Variants in OSBPL10 observed in about 807,000 individuals in gnomAD.
OSBPL10 encodes oxysterol-binding protein-related protein 10.
OSBPL10 carries 49 observed loss-of-function variants against 81.7 expected under a neutral mutation model. That is an observed-to-expected ratio of 0.60 (90% CI 0.48 to 0.76). The LOEUF (loss-of-function observed/expected upper bound fraction) is 0.76, where lower values mean the gene tolerates loss of function less well. Among genes scored for constraint, OSBPL10 ranks in the 30% least tolerant of loss-of-function variants. The pLI, the probability that OSBPL10 is intolerant of heterozygous loss-of-function variation, is 0.00. For synonymous variants in OSBPL10, 419 were observed against 383.6 expected (o/e 1.09, Z -1.08); for missense variants, 923 against 987.8 (o/e 0.93, Z 0.88).
intron 4 of OSBPL10, among the ~76,000 whole-genome samples, chr3:31,798,247 T>TAGA (rs1559470017): frequency 5.9e-5 from 9 of 152,004 alleles, no homozygotes; most frequent in African/African-American, 1.9e-4. Flanking sequence ...CTGGCCAACA[T>TAGA]GATGAAACCC....
intron 3 of OSBPL10, among the ~76,000 whole-genome samples, chr3:31,832,068 A>G (rs982401445): frequency 2.0e-5 from 3 of 152,220 alleles, no homozygotes; most frequent in Non-Finnish European, 2.9e-5. Flanking sequence ...AGAGGTCTCT[A>G]TGAATTGATC....
At chr3:32,007,831 C>T (rs1448142526) in intron 2 of OSBPL10, among the ~76,000 whole-genome samples, 5 of 151,946 alleles carry the variant, frequency 3.3e-5, no homozygotes, top group African/African-American at 7.2e-5. Context: ...CTCAGCCTCC[C>T]GAGTAGCTGG....
rs151113093 is a variant in OSBPL10 at position 31,814,123 on chromosome 3, T to C, written c.729+15917A>G. 2.0e-5 allele frequency among the ~76,000 whole-genome samples: 3 copies of C among 152,262 alleles called. No homozygotes were observed. The East Asian group carries it at 5.8e-4, about 30-fold the overall frequency. On this transcript the variant is annotated intron_variant, in intron 4 of 11. Coordinates refer to ENST00000396556, the MANE Select transcript of OSBPL10 (RefSeq NM_017784.5). ...AGGGGCAGGGTGGAGTCTACTCCTG[T>C]GCCTGACAAGCTCCAACAAGACTAC... is the stretch of plus-strand genomic sequence containing the variant.
intron 4 of OSBPL10, among the ~76,000 whole-genome samples, chr3:31,782,937 G>A (rs1328890443): frequency 6.6e-6 from 1 of 151,880 alleles, no homozygotes; most frequent in East Asian, 1.9e-4. Context: ...CCACCACTAG[G>A]TATCTACTCA....
intron 8 of OSBPL10, among the ~76,000 whole-genome samples, chr3:31,680,757 G>T (rs1700620394): frequency 6.6e-6 from 1 of 152,130 alleles, no homozygotes; most frequent in African/African-American, 2.4e-5. Flanking sequence ...CTACAGCACA[G>T]CTGGAAACCC....
At chr3:31,700,811 C>T (rs767829903) in intron 7 of OSBPL10, among the ~76,000 whole-genome samples, 4 of 152,172 alleles carry the variant, frequency 2.6e-5, no homozygotes, top group East Asian at 1.9e-4. Context: ...ACTTAAATGA[C>T]TCCTGTAGCT....
At chr3:31,722,720 GA>G (rs1349686241) in intron 6 of OSBPL10, among the ~76,000 whole-genome samples, 1 of 151,898 alleles carries the variant, frequency 6.6e-6, no homozygotes, top group Non-Finnish European at 1.5e-5. Flanking sequence ...CATAAGCTAG[GA>G]AAAAGAAGAT....
At position 32,063,015 on chromosome 3, in the gene OSBPL10, G is replaced by T. The variant is rs569217601; in HGVS notation, n.185+14381C>A. Among the ~76,000 whole-genome samples the T allele has an allele frequency of 4.3e-5, 4 of 93,362 alleles. 1 individual carries two copies. Among genetic ancestry groups the T allele is most frequent in the African/African-American group, 1.1e-4 (4 of 36,308 alleles). 61.2% of individuals were successfully genotyped at this position (93,362 alleles called of 152,430 possible). ...GATAACGTCAATCCACAGCAGTTTA[G>T]GTACTGAAAATATTTATGTATTCCC... On this transcript the variant is annotated intron_variant and non_coding_transcript_variant, in intron 1 of 3. Coordinates refer to the OSBPL10 transcript ENST00000479173.
At chr3:31,837,922 G>C (rs1575575902) in intron 3 of OSBPL10, among the ~76,000 whole-genome samples, 1 of 152,160 alleles carries the variant, frequency 6.6e-6, no homozygotes, top group South Asian at 2.1e-4. Flanking sequence ...AAATGGATGA[G>C]ACAACTTAAT....
At chr3:31,984,283 G>A (rs1326394001), upstream of OSBPL10, among the ~76,000 whole-genome samples, 5 of 151,588 alleles carry the variant, frequency 3.3e-5, no homozygotes, top group African/African-American at 7.3e-5. Flanking sequence ...CTCGTGATCC[G>A]CCCACCTCGG....
rs76762607 is a variant in OSBPL10, at chr3:31,912,950, G to C, written c.282-33120C>G. On this transcript the variant is annotated intron_variant, in intron 1 of 11. Coordinates refer to ENST00000396556, the MANE Select transcript of OSBPL10 (RefSeq NM_017784.5). ...GAATAACCTTGAGTCCAGCCTAGTT[G>C]TATTGTTAAGTAAGGCATTAGCAAG... 6.3e-3 allele frequency among the ~76,000 whole-genome samples: 959 copies of C among 152,274 alleles called. 11 individuals carry two copies. Among genetic ancestry groups the C allele is most frequent in the Non-Finnish European group, 9.2e-3 (628 of 68,024 alleles).
intron 3 of OSBPL10, among the ~76,000 whole-genome samples, chr3:31,848,574 G>A (rs1700690573): frequency 6.6e-6 from 1 of 152,094 alleles, no homozygotes; most frequent in Non-Finnish European, 1.5e-5. Context: ...TCCTAGGCCT[G>A]AGCTGCTGCT....
chr3:31,876,325 G>A (rs1480271074), intron 3 of OSBPL10, 108 bp downstream of exon 3: 13 of 897,598 alleles, frequency 1.4e-5, no homozygotes, highest in Non-Finnish European at 2.2e-5. Flanking sequence ...ACTGCAGTGG[G>A]CAACTTAAAA....
At chr3:31,946,939 C>A (rs191014702) in intron 1 of OSBPL10, among the ~76,000 whole-genome samples, 30 of 152,232 alleles carry the variant, frequency 2.0e-4, no homozygotes, top group African/African-American at 6.7e-4. Flanking sequence ...GAAACAAAGA[C>A]AAGGGCAGGA....
At chr3:31,775,271 A>T (rs775692523) in intron 4 of OSBPL10, among the ~76,000 whole-genome samples, 2 of 152,154 alleles carry the variant, frequency 1.3e-5, no homozygotes, top group Non-Finnish European at 2.9e-5. Flanking sequence ...TGGGCAACAG[A>T]TCTGAGGGAA....
intron 7 of OSBPL10, among the ~76,000 whole-genome samples, chr3:31,687,893 A>AAATAATAATAATAAT (rs34327662): frequency 0.025 from 3,556 of 143,820 alleles, 146 homozygotes; most frequent in African/African-American, 0.084. Flanking sequence ...CCATCACTAC[A>AAATAATAATAATAAT]AATAATAATA....
intron 7 of OSBPL10, among the ~76,000 whole-genome samples, chr3:31,700,698 G>T (rs1695866233): frequency 6.6e-6 from 1 of 152,164 alleles, no homozygotes; most frequent in Non-Finnish European, 1.5e-5. Context: ...GATTGTACTT[G>T]TACACGTTAT....
chr3:31,755,500 T>G (rs916380179), intron 4 of OSBPL10, among the ~76,000 whole-genome samples: 1 of 152,254 alleles, frequency 6.6e-6, no homozygotes, highest in Admixed American at 6.5e-5. Context: ...TCTGGATTCA[T>G]ACTTACTTTG....
intron 1 of OSBPL10, among the ~76,000 whole-genome samples, chr3:31,904,284 A>G (rs1696340107): frequency 6.6e-6 from 1 of 152,184 alleles, no homozygotes. Flanking sequence ...CAGAGGCATC[A>G]AAGCCACCCA....
Sources: gnomAD v4.1 joint callset for allele counts (sites outside exome capture counted in the v4.1 genomes callset) on GRCh38, gnomAD v4.1.1 for gene constraint, MANE v1.5 for transcripts, NCBI Gene and HGNC (gene_info 2026-07-23, HGNC 2026-07-21) for gene names.